ATR: variants seen among roughly 807,000 people sequenced by gnomAD.
ATR encodes the protein serine/threonine-protein kinase ATR.
A neutral mutation model predicts 305.3 loss-of-function variants in ATR; 142 were observed. The observed-to-expected ratio is 0.47, with a 90% CI of 0.41 to 0.53. ATR has a LOEUF of 0.53. ATR is among the 20% of genes least tolerant of loss of function. ATR has a pLI of 0.00. For synonymous variants in ATR, 1,050 were observed against 1,068.1 expected (o/e 0.98, Z 0.33); for missense variants, 2,135 against 3,133.1 (o/e 0.68, Z 7.60).
At position 142,453,002 on chromosome 3, in the gene ATR, A is replaced by G. The variant is rs574060429; in HGVS notation, c.7761+126T>C. The G allele has an allele frequency of 4.7e-5, 72 of 1,539,156 alleles. No individual in the cohort carries two copies. The African/African-American group carries it at 8.6e-4, about 18-fold the overall frequency. On this transcript the variant is annotated intron_variant, in intron 46 of 46. Coordinates refer to ENST00000350721, the MANE Select transcript of ATR (RefSeq NM_001184.4). The stretch of plus-strand genomic sequence containing the variant: ...ATACTAGAGAACTAGATTTCAGAGT[A>G]ATCAATAGTCACTAACAGTATTTCC...
At chr3:142,469,277 T>C in intron 38 of ATR, 60 bp downstream of exon 38, 1 of 1,382,434 alleles carries the variant, frequency 7.2e-7, no homozygotes, top group Non-Finnish European at 1.0e-6. Flanking sequence ...TATTACATAA[T>C]CAAGTTCATA....
At chr3:142,570,175 C>T (rs2035215176) in intron 1 of ATR, among the ~76,000 whole-genome samples, 2 of 152,108 alleles carry the variant, frequency 1.3e-5, no homozygotes, top group Non-Finnish European at 2.9e-5. Flanking sequence ...ATATTAAACT[C>T]CTTATCAGAC....
intron 34 of ATR, among the ~76,000 whole-genome samples, chr3:142,494,801 A>G (rs1423756645): frequency 1.3e-5 from 2 of 152,218 alleles, no homozygotes; most frequent in Non-Finnish European, 2.9e-5. Flanking sequence ...AATACTTTGT[A>G]AGATTTAATC....
chr3:142,462,622 C>T (rs2071044706), intron 41 of ATR, among the ~76,000 whole-genome samples: 1 of 152,054 alleles, frequency 6.6e-6, no homozygotes, highest in Non-Finnish European at 1.5e-5. Context: ...GTGCCTGCCA[C>T]CACGCCCAGC....
At chr3:142,504,836 T>G (rs566184245) in intron 29 of ATR, among the ~76,000 whole-genome samples, 1 of 152,002 alleles carries the variant, frequency 6.6e-6, no homozygotes, top group East Asian at 1.9e-4. Flanking sequence ...TTAGAGAGGG[T>G]TAAATATTTT....
At chr3:142,515,607 G>A (rs977940498) in intron 24 of ATR, 92 bp from the exon 25 acceptor site, 1 of 1,345,460 alleles carries the variant, frequency 7.4e-7, no homozygotes, top group African/African-American at 1.5e-5. Context: ...GACTACCTCA[G>A]TACTGCCTTG....
intron 35 of ATR, among the ~76,000 whole-genome samples, chr3:142,488,295 C>T (rs940959698): frequency 1.3e-5 from 2 of 152,190 alleles, no homozygotes; most frequent in African/African-American, 4.8e-5. Context: ...CTAGAGTTAG[C>T]AACGACTCTC....
intron 12 of ATR, 41 bp downstream of exon 12, chr3:142,553,599 C>A (rs2034557535): frequency 6.5e-7 from 1 of 1,550,188 alleles, no homozygotes; most frequent in Non-Finnish European, 8.9e-7. Flanking sequence ...TGGAGAATGG[C>A]CAAAATAAAT....
rs773358931 is a variant in ATR at position 142,553,935 on chromosome 3, T to G, written c.2422A>C (p.Thr808Pro). The G allele has an allele frequency of 6.2e-7, 1 of 1,611,220 alleles. No homozygotes were observed. Among genetic ancestry groups the G allele is most frequent in the Admixed American group, 1.7e-5 (1 of 59,788 alleles). The change falls in exon 11 of 47, where the codon ACT becomes CCT. Residue 808 changes from threonine to proline, a missense_variant. Thr to Pro is a conservative substitution (Grantham distance 38). Around this residue, in one of 9 missense-constraint regions of ATR, gnomAD observed 530 missense variants for 766.8 expected, o/e 0.69. Coordinates refer to ENST00000350721, the MANE Select transcript of ATR (RefSeq NM_001184.4). ...GGATCTTCCATTAAATTTAATAAAG[T>G]TCCAAGAACTGCTTTTACATCTGTT... ...DETDVKAVLG[T>P]LLNLMEDPDK... is the part of the protein sequence containing the mutation.
intron 46 of ATR, chr3:142,450,873 C>T: frequency 7.6e-7 from 1 of 1,319,132 alleles, no homozygotes; most frequent in South Asian, 1.5e-5. Flanking sequence ...ACCAAGCAGA[C>T]AGATACCAAT....
intron 31 of ATR, 28 bp from the exon 32 acceptor site, chr3:142,498,802 T>C (rs375795280): frequency 1.2e-6 from 2 of 1,609,872 alleles, no homozygotes; most frequent in African/African-American, 2.7e-5. Flanking sequence ...AGTCAAGAAA[T>C]GTCACGGTAG....
At chr3:142,553,094 C>A (rs1461055312) in intron 13 of ATR, 133 bp downstream of exon 13, 125 of 1,176,558 alleles carry the variant, frequency 1.1e-4, no homozygotes, top group Non-Finnish European at 1.1e-4. Flanking sequence ...CTGCAATATA[C>A]CCCTGAACTT....
At chr3:142,456,558 C>T (rs1559904518) in intron 45 of ATR, among the ~76,000 whole-genome samples, 5 of 151,110 alleles carry the variant, frequency 3.3e-5, no homozygotes, top group East Asian at 1.9e-4. Flanking sequence ...GGTGACAGAG[C>T]GAAACCCTGT....
chr3:142,556,008 T>A lies in ATR; in HGVS notation c.2210A>T (p.His737Leu), dbSNP rs760713514. 6.2e-7 allele frequency: 1 copy of A among 1,614,130 alleles called. No homozygotes were observed. The highest frequency in any genetic ancestry group is 1.7e-5 in the Admixed American group (1 of 60,034). Residue 737 changes from histidine to leucine, a missense_variant, in exon 10 of 47, where the codon CAT (histidine) becomes CTT (leucine). Coordinates refer to ENST00000350721, the MANE Select transcript of ATR (RefSeq NM_001184.4). ...CAAGTTCCTACAGAAGAGGTCCACATGTCCGTGTTCAGAGAAAGGTTCTGT... is the reference window on the plus strand; with the variant it reads ...CAAGTTCCTACAGAAGAGGTCCACAAGTCCGTGTTCAGAGAAAGGTTCTGT... Reference protein sequence around the residue: ...SLTEPFSEHGHVDLFCRNLKA... With the variant: ...SLTEPFSEHGLVDLFCRNLKA...
intron 27 of ATR, 144 bp from the exon 28 acceptor site, chr3:142,508,253 C>T (rs2032358234): frequency 1.4e-6 from 1 of 702,418 alleles, no homozygotes; most frequent in Non-Finnish European, 2.3e-6. Flanking sequence ...TAACTAACAA[C>T]AGAACAATTG....
At chr3:142,514,699 C>T (rs6778183) in intron 25 of ATR, among the ~76,000 whole-genome samples, 8,977 of 146,864 alleles carry the variant, frequency 0.061, 862 homozygotes, top group African/African-American at 0.21. Context: ...CCCAGCTACT[C>T]AGGAGGCTGA....
chr3:142,549,364 A>T, intron 15 of ATR, 115 bp downstream of exon 15: 1 of 672,886 alleles, frequency 1.5e-6, no homozygotes, highest in South Asian at 2.8e-5. Context: ...ATTTAAACTT[A>T]CATTCTTCTA....
At position 142,555,968 on chromosome 3, in the gene ATR, T is replaced by A. The variant is rs2108470792; in HGVS notation, c.2250A>T (p.Gln750His). 6.2e-7 allele frequency: 1 copy of A among 1,613,980 alleles called. No homozygotes were observed. Among genetic ancestry groups the A allele is most frequent in the Non-Finnish European group, 8.5e-7 (1 of 1,179,936 alleles). Residue 750 changes from glutamine (Q) to histidine (H), a missense_variant, in exon 10 of 47, where the codon CAA (glutamine) becomes CAT (histidine). Transcript: ENST00000350721. ...TTAGTTGAGAAGATGAACATTCATGTTGAGAAGTGGCTTTCAAGTTCCTAC... is the reference window on the plus strand; with the variant it reads ...TTAGTTGAGAAGATGAACATTCATGATGAGAAGTGGCTTTCAAGTTCCTAC... Reference protein sequence around the residue: ...LFCRNLKATSQHECSSSQLKA... With the variant: ...LFCRNLKATSHHECSSSQLKA...
At chr3:142,514,679 T>C (rs1448127791) in intron 25 of ATR, among the ~76,000 whole-genome samples, 1 of 149,384 alleles carries the variant, frequency 6.7e-6, no homozygotes, top group Non-Finnish European at 1.5e-5. Context: ...TGATGACTCA[T>C]GCCTGTAATC....
Sources: allele counts gnomAD v4.1 joint callset (sites outside exome capture counted in the v4.1 genomes callset), GRCh38; gene constraint gnomAD v4.1.1; regional missense constraint gnomAD v4.1.1; transcripts MANE v1.5; gene names NCBI Gene and HGNC (gene_info 2026-07-23, HGNC 2026-07-21).